Variants in MAGEA12 observed in about 807,000 individuals in gnomAD.
The protein encoded by MAGEA12 is melanoma-associated antigen 12.
For synonymous variants in MAGEA12, 135 were observed against 104.7 expected (o/e 1.29, Z -1.77); for missense variants, 235 against 240.1 (o/e 0.98, Z 0.14).
Position 152,737,055 on chromosome X carries a change from C to G in MAGEA12, c.894C>G (p.His298Gln), listed in dbSNP as rs782168132. ...TGCTAAAGATCAGTGGAGGACCTCA[C>G]ATTTCCTACCCACCCCTGCATGAAT... ...HHLLKISGGPHISYPPLHEWA... is the reference protein window; with the variant it reads ...HHLLKISGGPQISYPPLHEWA... Residue 298 changes from histidine (H) to glutamine (Q), a missense_variant, in exon 3 of 3, where the codon CAC (histidine) becomes CAG (glutamine). Transcript: ENST00000393869. The G allele has an allele frequency of 8.3e-7, 1 of 1,209,951 alleles. No individual in the cohort carries two copies. The highest frequency in any genetic ancestry group is 2.2e-5 in the Admixed American group (1 of 45,780).
intron 1 of MAGEA12, among the ~76,000 whole-genome samples, chrX:152,734,190 C>T (rs73639099): frequency 0.015 from 1,582 of 103,493 alleles, 43 homozygotes; most frequent in African/African-American, 0.052. Flanking sequence ...CACCCCCATC[C>T]CCCAACACCA....
rs782258195 is a variant in MAGEA12, at chrX:152,736,863, G to A, written c.702G>A (p.Arg234=). The change falls in exon 3 of 3, where the codon AGG becomes AGA. Residue 234 remains arginine (R), a synonymous_variant. Transcript: ENST00000393869. Reference sequence around the variant, plus strand: ...GTGTGTTGGAGGCATCTGATGGGAGGGAGGACAGTGTCTTTGCGCATCCCA... The same window carrying A: ...GTGTGTTGGAGGCATCTGATGGGAGAGAGGACAGTGTCTTTGCGCATCCCA... ...ELSVLEASDG[R]EDSVFAHPRK... 1 of 1,211,981 alleles carries A rather than the reference G, an allele frequency of 8.3e-7. No homozygotes were observed. The highest frequency in any genetic ancestry group is 1.8e-5 in the South Asian group (1 of 56,989).
In MAGEA12 at chrX:152,736,876, T is replaced by C; in HGVS notation, c.715T>C (p.Phe239Leu). The change falls in exon 3 of 3, where the codon TTT becomes CTT. Residue 239 changes from phenylalanine to leucine, a missense_variant. Coordinates refer to ENST00000393869, the MANE Select transcript of MAGEA12 (RefSeq NM_001166387.4). ...EASDGREDSV[F>L]AHPRKLLTQD... ...ATCTGATGGGAGGGAGGACAGTGTCTTTGCGCATCCCAGGAAGCTGCTCAC... is the reference window on the plus strand; with the variant it reads ...ATCTGATGGGAGGGAGGACAGTGTCCTTGCGCATCCCAGGAAGCTGCTCAC... 1 of 1,211,803 alleles carries C rather than the reference T, an allele frequency of 8.3e-7. No homozygotes were observed. Among genetic ancestry groups the C allele is most frequent in the Non-Finnish European group, 1.1e-6 (1 of 895,487 alleles).
Position 152,737,352 on chromosome X carries a change from TC to T in MAGEA12, c.*248del. On this transcript the variant is annotated 3_prime_UTR_variant, in exon 3 of 3. Coordinates refer to ENST00000393869, the MANE Select transcript of MAGEA12 (RefSeq NM_001166387.4). ...ACGGATGGTTGAATGAACTTCAGCA[TC>T]CAAGTTTATGAATGACAGTAGTCAC... is the stretch of plus-strand genomic sequence containing the variant. 2.0e-6 allele frequency: 1 copy of T among 501,206 alleles called. No homozygotes were observed. Among genetic ancestry groups the T allele is most frequent in the Admixed American group, 2.5e-5 (1 of 39,700 alleles). The allele number at this position is 501,206 out of a possible 1,213,427, so 41.3% of individuals were successfully genotyped here. A position where few individuals can be genotyped will look rare whatever the true frequency, so the allele number is the denominator to read the frequency against.
intron 2 of MAGEA12, 120 bp from the exon 3 acceptor site, chrX:152,735,967 C>G: frequency 2.2e-6 from 1 of 465,066 alleles, no homozygotes; most frequent in South Asian, 3.5e-5. Context: ...AGGGCCGCAC[C>G]GGCCCCAGAA....
rs782719324 is a variant in MAGEA12 at position 152,736,183 on chromosome X, C to A, written c.22C>A (p.Gln8Lys). Reference protein sequence around the residue: MPLEQRSQHCKPEEGLEA... With the variant: MPLEQRSKHCKPEEGLEA... ...CATCATGCCACTTGAGCAGAGGAGT[C>A]AGCACTGCAAGCCTGAGGAAGGCCT... Residue 8 changes from glutamine (Q) to lysine (K), a missense_variant, in exon 3 of 3, where the codon CAG (glutamine) becomes AAG (lysine). Physicochemically the swap from Gln to Lys is moderately conservative, Grantham distance 53. Transcript: ENST00000393869. 2.5e-6 allele frequency: 3 copies of A among 1,211,863 alleles called. No individual in the cohort carries two copies. The highest frequency in any genetic ancestry group is 3.4e-6 in the Non-Finnish European group (3 of 895,493).
At position 152,735,193 on chromosome X, in the gene MAGEA12, A is replaced by C. The variant is rs1444156778; in HGVS notation, c.-136A>C. On this transcript the variant is annotated 5_prime_UTR_variant, in exon 2 of 3. Transcript: ENST00000393869. ...TTTTCTTCAGAGGGTGACTCAGGTC[A>C]ACACAGGGGCCCCCATGTAGTCGAC... The C allele has an allele frequency of 8.6e-6, 1 of 116,542 alleles. No homozygotes were observed. Among genetic ancestry groups the C allele is most frequent in the African/African-American group, 3.2e-5 (1 of 30,875 alleles). The allele number at this position is 116,542 out of a possible 1,213,427, so 9.6% of individuals were successfully genotyped here. A position where few individuals can be genotyped will look rare whatever the true frequency, so the allele number is the denominator to read the frequency against.
At position 152,736,217 on chromosome X, in the gene MAGEA12, A is replaced by G. The variant is rs782040199; in HGVS notation, c.56A>G (p.Gln19Arg). 8.3e-7 allele frequency: 1 copy of G among 1,211,736 alleles called. No individual in the cohort carries two copies. The highest frequency in any genetic ancestry group is 1.1e-6 in the Non-Finnish European group (1 of 895,505). ...AAGCCTGAGGAAGGCCTTGAGGCCC[A>G]AGGAGAGGCCCTGGGCTTGGTGGGT... ...HCKPEEGLEA[Q>R]GEALGLVGAQ... is the part of the protein sequence containing the mutation. The change falls in exon 3 of 3, where the codon CAA becomes CGA. Residue 19 changes from glutamine to arginine, a missense_variant. Transcript: ENST00000393869.
At chrX:152,734,138 C>G (rs1556227061) in intron 1 of MAGEA12, 57 of 105,262 alleles carry the variant, frequency 5.4e-4, no homozygotes, top group African/African-American at 1.8e-3. Context: ...GAGGGTAACC[C>G]CCCGCACCCC....
At position 152,737,596 on chromosome X, in the gene MAGEA12, GA is replaced by G. The variant is rs782197156; in HGVS notation, c.*498del. 7 of 176,855 alleles carry G rather than the reference GA, an allele frequency of 4.0e-5. No individual in the cohort carries two copies. Among genetic ancestry groups the G allele is most frequent in the East Asian group, 1.7e-4 (1 of 5,865 alleles). The allele number at this position is 176,855 out of a possible 1,213,427, so 14.6% of individuals were successfully genotyped here. ...ATACCTCACTCTATTCTGTAAATTT[GA>G]AAAAAAAGCATGGATACCTGGATAT... On this transcript the variant is annotated 3_prime_UTR_variant, in exon 3 of 3. Transcript: ENST00000393869.
In MAGEA12 at chrX:152,736,744, A is replaced by T; in HGVS notation, c.583A>T (p.Ile195Phe). The change falls in exon 3 of 3, where the codon ATC becomes TTC. Residue 195 changes from isoleucine to phenylalanine, a missense_variant. Ile to Phe is a conservative substitution (Grantham distance 21). Coordinates refer to ENST00000393869, the MANE Select transcript of MAGEA12 (RefSeq NM_001166387.4). ...SYDGLLGDNQIVPKTGLLIIV... is the reference protein window; with the variant it reads ...SYDGLLGDNQFVPKTGLLIIV... ...CGATGGCCTGCTGGGCGACAATCAG[A>T]TCGTGCCCAAGACAGGCCTCCTGAT... 1.7e-6 allele frequency: 2 copies of T among 1,211,664 alleles called. No individual in the cohort carries two copies. The highest frequency in any genetic ancestry group is 2.2e-6 in the Non-Finnish European group (2 of 895,537).
chrX:152,737,250 T>C lies in MAGEA12; in HGVS notation c.*144T>C. Reference sequence around the variant, plus strand: ...TGAAGAGAGCAGTCAGTATTGTTAGTAGTGAGTTTCTGTTCTATTGGATGA... The same window carrying C: ...TGAAGAGAGCAGTCAGTATTGTTAGCAGTGAGTTTCTGTTCTATTGGATGA... On this transcript the variant is annotated 3_prime_UTR_variant, in exon 3 of 3. Coordinates refer to ENST00000393869, the MANE Select transcript of MAGEA12 (RefSeq NM_001166387.4). The C allele has an allele frequency of 6.3e-6, 4 of 636,237 alleles. No homozygotes were observed. Among genetic ancestry groups the C allele is most frequent in the Non-Finnish European group, 7.8e-6 (3 of 385,197 alleles). The allele number at this position is 636,237 out of a possible 1,213,427, so 52.4% of individuals were successfully genotyped here.
At position 152,736,151 on chromosome X, in the gene MAGEA12, C is replaced by T; in HGVS notation, c.-11C>T. ...CCCACACTCCTACCTGCTGCCCTGACCAGAGTCATCATGCCACTTGAGCAG... is the reference window on the plus strand; with the variant it reads ...CCCACACTCCTACCTGCTGCCCTGATCAGAGTCATCATGCCACTTGAGCAG... On this transcript the variant is annotated 5_prime_UTR_variant, in exon 3 of 3. Coordinates refer to ENST00000393869, the MANE Select transcript of MAGEA12 (RefSeq NM_001166387.4). 5.0e-6 allele frequency: 6 copies of T among 1,209,684 alleles called. No homozygotes were observed. The highest frequency in any genetic ancestry group is 5.6e-6 in the Non-Finnish European group (5 of 894,366).
rs1347982295 is a variant in MAGEA12, at chrX:152,736,152, C to G, written c.-10C>G. 1.5e-5 allele frequency: 18 copies of G among 1,208,195 alleles called. No homozygotes were observed. Among genetic ancestry groups the G allele is most frequent in the Non-Finnish European group, 2.0e-5 (18 of 894,129 alleles). On this transcript the variant is annotated 5_prime_UTR_variant, in exon 3 of 3. Transcript: ENST00000393869. ...CCACACTCCTACCTGCTGCCCTGAC[C>G]AGAGTCATCATGCCACTTGAGCAGA... is the stretch of plus-strand genomic sequence containing the variant.
chrX:152,734,276 G>A (rs782450290), intron 1 of MAGEA12, among the ~76,000 whole-genome samples: 34 of 108,149 alleles, frequency 3.1e-4, no homozygotes, highest in Non-Finnish European at 5.4e-4. Flanking sequence ...TGGCAGAATC[G>A]GAGCTTTGCC....
At position 152,737,484 on chromosome X, in the gene MAGEA12, G is replaced by C. The variant is rs73629840; in HGVS notation, c.*378G>C. 1 of 309,790 alleles carries C rather than the reference G, an allele frequency of 3.2e-6. No homozygotes were observed. Among genetic ancestry groups the C allele is most frequent in the Non-Finnish European group, 6.3e-6 (1 of 159,413 alleles). 25.5% of individuals were successfully genotyped at this position (309,790 alleles called of 1,213,427 possible). A position where few individuals can be genotyped will look rare whatever the true frequency, so the allele number is the denominator to read the frequency against. On this transcript the variant is annotated 3_prime_UTR_variant, in exon 3 of 3. Transcript: ENST00000393869. ...GTGACAAATAACAGCAGTGGAAAAA[G>C]TATGTGCTTAGAATTGTGAAAGAAT...
chrX:152,734,244 C>T (rs1261550153), intron 1 of MAGEA12, among the ~76,000 whole-genome samples: 1 of 108,594 alleles, frequency 9.2e-6, no homozygotes, highest in Non-Finnish European at 1.9e-5. Context: ...CCCCAAACCC[C>T]GATTCCCATC....
At chrX:152,735,980 C>A (rs1197706901) in intron 2 of MAGEA12, 107 bp from the exon 3 acceptor site, 51 of 487,319 alleles carry the variant, frequency 1.0e-4, no homozygotes, top group Non-Finnish European at 1.6e-4. Flanking sequence ...CCCCAGAACA[C>A]ATGGGACTCC....
intron 2 of MAGEA12, 145 bp from the exon 3 acceptor site, chrX:152,735,942 C>T (rs1932307683): frequency 2.3e-6 from 1 of 436,869 alleles, no homozygotes; most frequent in African/African-American, 2.5e-5. Context: ...GAAGGTTTGC[C>T]TTGAATGCAC....
Sources: gnomAD v4.1 joint callset for allele counts (sites outside exome capture counted in the v4.1 genomes callset) on GRCh38, gnomAD v4.1.1 for gene constraint, MANE v1.5 for transcripts, NCBI Gene and HGNC (gene_info 2026-07-23, HGNC 2026-07-21) for gene names.